The following KRABD3 variants were observed in gnomAD, a reference collection of about 807,000 sequenced individuals.
KRABD3 encodes KRAB domain containing 3, also known as KRAB domain-containing protein 3.
the KRABD3 span, chr7:149,722,313 G>T: frequency 1.3e-6 from 2 of 1,486,612 alleles, no homozygotes; most frequent in East Asian, 2.5e-5. Flanking sequence ...CCTCGAACAG[G>T]GACTTGGGTG....
At chr7:149,715,187 T>G in the KRABD3 span, 1 of 1,222,898 alleles carries the variant, frequency 8.2e-7, no homozygotes, top group East Asian at 3.2e-5. Flanking sequence ...GCAGGCCTGA[T>G]GCTCAGGGGT....
the KRABD3 span, among the ~76,000 whole-genome samples, chr7:149,727,205 C>T: frequency 4.6e-5 from 7 of 152,188 alleles, no homozygotes; most frequent in South Asian, 4.1e-4. Context: ...CCACTCCCTC[C>T]GTGCTCACCT....
At chr7:149,724,903 C>T in the KRABD3 span, 1 of 1,425,218 alleles carries the variant, frequency 7.0e-7, no homozygotes, top group Non-Finnish European at 9.3e-7. Context: ...TTGTCAGTCC[C>T]TGGCAAGGTT....
chr7:149,718,512 A>ATTT, the KRABD3 span, among the ~76,000 whole-genome samples: 1 of 99,778 alleles, frequency 1.0e-5, no homozygotes, highest in African/African-American at 3.4e-5. Flanking sequence ...CCACTGAAGG[A>ATTT]CTTTTTTTTT....
chr7:149,730,738 C>T, the KRABD3 span: 78 of 876,720 alleles, frequency 8.9e-5, 1 homozygote, highest in East Asian at 1.4e-3. Flanking sequence ...AGAAGGAGGG[C>T]GGGGCTGCTG....
the KRABD3 span, chr7:149,733,160 G>A: frequency 2.6e-6 from 4 of 1,542,570 alleles, no homozygotes; most frequent in Non-Finnish European, 2.6e-6. Context: ...GGAGAGAAAG[G>A]TCCTTACAAA....
chr7:149,728,666 G>A, the KRABD3 span: 1 of 1,613,476 alleles, frequency 6.2e-7, no homozygotes. Flanking sequence ...CTGGACAGCA[G>A]ACAAGGAAGG....
At chr7:149,733,669 A>G in the KRABD3 span, 1 of 1,587,438 alleles carries the variant, frequency 6.3e-7, no homozygotes, top group African/African-American at 1.3e-5. Flanking sequence ...GACTCTCCAG[A>G]GGGACCGCTC....
the KRABD3 span, among the ~76,000 whole-genome samples, chr7:149,717,230 C>T: frequency 6.6e-6 from 1 of 152,214 alleles, no homozygotes; most frequent in African/African-American, 2.4e-5. Context: ...AACCAAAATT[C>T]CAGACTCCCA....
At chr7:149,721,202 G>T in the KRABD3 span, among the ~76,000 whole-genome samples, 1 of 152,236 alleles carries the variant, frequency 6.6e-6, no homozygotes, top group African/African-American at 2.4e-5. Flanking sequence ...GGTGGTTTCT[G>T]TGTGGCTTTG....
chr7:149,722,174 C>T, the KRABD3 span: 1 of 538,392 alleles, frequency 1.9e-6, no homozygotes, highest in Non-Finnish European at 3.3e-6. Flanking sequence ...GTCAAGGCTG[C>T]CGGCATCACT....
chr7:149,716,669 C>T, the KRABD3 span, among the ~76,000 whole-genome samples: 2 of 152,194 alleles, frequency 1.3e-5, no homozygotes, highest in South Asian at 2.1e-4. Flanking sequence ...TGGAAAGCAT[C>T]TCTTACAGAT....
the KRABD3 span, chr7:149,725,560 C>T: frequency 1.8e-3 from 2,565 of 1,421,578 alleles, 12 homozygotes; most frequent in South Asian, 3.9e-3. Context: ...TGAGGACTGT[C>T]GGGTCATTGT....
chr7:149,721,281 G>A, the KRABD3 span: 1 of 1,400,140 alleles, frequency 7.1e-7, no homozygotes, highest in East Asian at 2.3e-5. Context: ...TGACATCCTG[G>A]TCATTGTTAG....
the KRABD3 span, chr7:149,729,041 C>T: frequency 1.5e-6 from 1 of 665,918 alleles, no homozygotes; most frequent in Middle Eastern, 4.2e-4. Flanking sequence ...CAGGCGCTCC[C>T]TGGAACATGA....
At chr7:149,727,484 C>T in the KRABD3 span, among the ~76,000 whole-genome samples, 1 of 152,222 alleles carries the variant, frequency 6.6e-6, no homozygotes, top group African/African-American at 2.4e-5. Context: ...TCCAGCCCCT[C>T]CTGCCACTGC....
chr7:149,725,503 T>A, the KRABD3 span: 5 of 1,591,460 alleles, frequency 3.1e-6, no homozygotes, highest in Non-Finnish European at 4.3e-6. Flanking sequence ...ATTGTGGCCA[T>A]GGGCGCGGGG....
the KRABD3 span, among the ~76,000 whole-genome samples, chr7:149,724,293 CAG>C: frequency 2.4e-4 from 37 of 152,176 alleles, no homozygotes; most frequent in African/African-American, 1.2e-4. Flanking sequence ...CCAGCCCACA[CAG>C]GGGTTCGTGT....
the KRABD3 span, chr7:149,725,219 C>T: frequency 7.8e-7 from 1 of 1,274,992 alleles, no homozygotes; most frequent in Non-Finnish European, 1.1e-6. Context: ...ACTCGTCACC[C>T]CTGTAGAAAG....
Sources: allele counts gnomAD v4.1 joint callset (sites outside exome capture counted in the v4.1 genomes callset), GRCh38; gene constraint gnomAD v4.1.1; transcripts MANE v1.5; gene names NCBI Gene and HGNC (gene_info 2026-07-23, HGNC 2026-07-21).